Variants in RBFOX1 observed in about 807,000 individuals in gnomAD.
RBFOX1 encodes the protein RNA binding fox-1 homolog 1.
Under a neutral mutation model 57.7 loss-of-function variants are expected in RBFOX1, and 8 were observed. That is an observed-to-expected ratio of 0.14 (90% CI 0.08 to 0.25). The LOEUF is 0.25. Ranked by LOEUF, RBFOX1 falls within the 10% of genes least tolerant of loss-of-function variation. The pLI is 1.00. For missense variants in RBFOX1, 611 were observed against 548.5 expected (o/e 1.11, Z -1.14); for synonymous variants, 326 against 222.4 (o/e 1.47, Z -4.15).
chr16:5,390,082 A>C (rs1165146824), intron 1 of RBFOX1, among the ~76,000 whole-genome samples: 1 of 152,204 alleles, frequency 6.6e-6, no homozygotes, highest in Non-Finnish European at 1.5e-5. Context: ...ACATGCCTAC[A>C]GAAGAAATGC....
chr16:7,221,359 A>ATTTT lies in RBFOX1; in HGVS notation c.27+169264_27+169265insTTTT, dbSNP rs1311411973. Among the ~76,000 whole-genome samples, 782 of 150,182 alleles carry ATTTT rather than the reference A, an allele frequency of 5.2e-3. 4 individuals are homozygous for ATTTT. Among genetic ancestry groups the ATTTT allele is most frequent in the African/African-American group, 0.017 (707 of 40,912 alleles). ...TTTTTATTTGATTATTTATTTATTT[A>ATTTT]TTTATTTTTTTATTTATTTATTTAT... On this transcript the variant is annotated intron_variant, in intron 4 of 15. Coordinates refer to ENST00000550418, the MANE Select transcript of RBFOX1 (RefSeq NM_018723.4).
intron 3 of RBFOX1, among the ~76,000 whole-genome samples, chr16:6,762,394 T>A (rs1031664057): frequency 6.6e-6 from 1 of 152,130 alleles, no homozygotes; most frequent in Non-Finnish European, 1.5e-5. Flanking sequence ...AGGTAAATAT[T>A]AGCAAACAGT....
intron 3 of RBFOX1, among the ~76,000 whole-genome samples, chr16:6,928,174 A>C (rs1376459148): frequency 6.6e-6 from 1 of 152,134 alleles, no homozygotes; most frequent in Non-Finnish European, 1.5e-5. Flanking sequence ...GTGCATTGGC[A>C]TTGCATGGGG....
chr16:5,556,026 A>G (rs1195079214), intron 2 of RBFOX1, among the ~76,000 whole-genome samples: 3 of 138,244 alleles, frequency 2.2e-5, no homozygotes, highest in Non-Finnish European at 4.5e-5. Flanking sequence ...GTCTCAAAAA[A>G]ACAAACAAAC....
At chr16:5,827,286 G>A (rs1223678369) in intron 3 of RBFOX1, among the ~76,000 whole-genome samples, 3 of 151,496 alleles carry the variant, frequency 2.0e-5, no homozygotes, top group Non-Finnish European at 4.4e-5. Flanking sequence ...AGTAATCCCA[G>A]CTACTAGGGA....
chr16:7,121,322 C>T (rs778846894), intron 4 of RBFOX1, among the ~76,000 whole-genome samples: 1 of 152,048 alleles, frequency 6.6e-6, no homozygotes, highest in Non-Finnish European at 1.5e-5. Context: ...TATATAAGGG[C>T]ATCTTTAATC....
chr16:6,429,993 AGCTACTTG>A (rs1397415765), intron 2 of RBFOX1, among the ~76,000 whole-genome samples: 1 of 152,046 alleles, frequency 6.6e-6, no homozygotes, highest in African/African-American at 2.4e-5. Flanking sequence ...CTGTAATCCC[AGCTACTTG>A]GGAGGCTGGG....
intron 2 of RBFOX1, among the ~76,000 whole-genome samples, chr16:6,343,039 G>A (rs17139899): frequency 1.2e-3 from 176 of 152,082 alleles, no homozygotes; most frequent in African/African-American, 3.7e-3. Context: ...TTTCTGATAA[G>A]GATTTTACTT....
In RBFOX1 at chr16:6,078,484, G is replaced by A. The variant is rs140571605; in HGVS notation, c.-127+58492G>A. ...TATGACCTGAGACACTTCTTCTTCC[G>A]CCGTGGCTCAGGGAAGCCAAAAGAC... is the stretch of plus-strand genomic sequence containing the variant. On this transcript the variant is annotated intron_variant, in intron 1 of 15. Transcript: ENST00000550418. Among the ~76,000 whole-genome samples the A allele has an allele frequency of 2.9e-3, 438 of 151,778 alleles. 2 individuals are homozygous for A. Among genetic ancestry groups the A allele is most frequent in the African/African-American group, 0.01 (429 of 41,368 alleles).
chr16:6,741,101 A>C (rs1158670138), intron 3 of RBFOX1, among the ~76,000 whole-genome samples: 1 of 152,188 alleles, frequency 6.6e-6, no homozygotes, highest in African/African-American at 2.4e-5. Flanking sequence ...CCAGTAATGC[A>C]AAAGCAATTT....
At chr16:5,447,370 A>G (rs1267765521) in intron 1 of RBFOX1, among the ~76,000 whole-genome samples, 3 of 97,368 alleles carry the variant, frequency 3.1e-5, no homozygotes, top group African/African-American at 9.8e-5. Context: ...ATGTCAATCA[A>G]TCAATCAATC....
intron 2 of RBFOX1, among the ~76,000 whole-genome samples, chr16:6,392,134 G>A (rs2092632314): frequency 6.6e-6 from 1 of 152,200 alleles, no homozygotes; most frequent in South Asian, 2.1e-4. Context: ...TGGCCTGGGA[G>A]GGAAACTGGG....
chr16:7,316,277 G>A (rs1435025999), intron 4 of RBFOX1, among the ~76,000 whole-genome samples: 1 of 152,168 alleles, frequency 6.6e-6, no homozygotes, highest in Non-Finnish European at 1.5e-5. Flanking sequence ...GCAGACTTTT[G>A]AGAGTTACAT....
intron 1 of RBFOX1, among the ~76,000 whole-genome samples, chr16:6,210,361 C>CAA (rs3064933): frequency 0.08 from 4,892 of 61,404 alleles, 399 homozygotes; most frequent in Middle Eastern, 0.21. Context: ...AAAAAAACAC[C>CAA]AAAAAAAAAA....
chr16:5,330,042 C>A (rs143545805), intron 1 of RBFOX1, among the ~76,000 whole-genome samples: 1 of 151,584 alleles, frequency 6.6e-6, no homozygotes, highest in Non-Finnish European at 1.5e-5. Context: ...CTTGCCGTGT[C>A]CTCACATGGT....
At chr16:5,548,277 A>G (rs1053588668) in intron 2 of RBFOX1, among the ~76,000 whole-genome samples, 5 of 148,956 alleles carry the variant, frequency 3.4e-5, no homozygotes, top group Non-Finnish European at 7.4e-5. Context: ...GTGGGGTACT[A>G]TGCTCACTGC....
At chr16:6,227,163 A>G (rs1192912353) in intron 1 of RBFOX1, among the ~76,000 whole-genome samples, 1 of 151,844 alleles carries the variant, frequency 6.6e-6, no homozygotes, top group Non-Finnish European at 1.5e-5. Flanking sequence ...TGCCTCATAT[A>G]TCTTTTTGTT....
At chr16:5,796,403 T>A (rs1389557188) in intron 3 of RBFOX1, among the ~76,000 whole-genome samples, 1 of 152,168 alleles carries the variant, frequency 6.6e-6, no homozygotes, top group Non-Finnish European at 1.5e-5. Flanking sequence ...AGTGATCAAG[T>A]ATCCAGGGTT....
intron 1 of RBFOX1, among the ~76,000 whole-genome samples, chr16:5,330,643 G>A (rs1297167625): frequency 6.6e-6 from 1 of 151,360 alleles, no homozygotes; most frequent in Non-Finnish European, 1.5e-5. Flanking sequence ...GACCTCAGGT[G>A]ATCTGCCTGC....
Sources: allele counts gnomAD v4.1 joint callset (sites outside exome capture counted in the v4.1 genomes callset), GRCh38; gene constraint gnomAD v4.1.1; transcripts MANE v1.5; gene names NCBI Gene and HGNC (gene_info 2026-07-23, HGNC 2026-07-21).